Variants in NCALD observed in about 807,000 individuals in gnomAD.
NCALD encodes neurocalcin delta.
In NCALD, 10 loss-of-function variants were observed where a neutral mutation model predicts 18.6. The ratio of observed to expected loss-of-function variants is 0.54; its 90% CI spans 0.33 to 0.91. The LOEUF (loss-of-function observed/expected upper bound fraction) is 0.91. Among genes scored for constraint, NCALD ranks in the 40% least tolerant of loss-of-function variants. The pLI is 0.03. For synonymous variants in NCALD, 88 were observed against 87.4 expected, an observed-to-expected ratio of 1.01 and a Z score of -0.04; for missense variants, 184 against 247.6, an observed-to-expected ratio of 0.74 and a Z score of 1.72.
chr8:101,772,639 C>T (rs759447255), intron 1 of NCALD, among the ~76,000 whole-genome samples: 2 of 152,192 alleles, frequency 1.3e-5, no homozygotes, highest in East Asian at 3.8e-4. Flanking sequence ...TTTCTGTGTT[C>T]TTTGACCCAA....
chr8:101,971,863 C>T (rs6982001), intron 2 of NCALD, among the ~76,000 whole-genome samples: 56,242 of 151,962 alleles, frequency 0.37, 10,588 homozygotes, highest in South Asian at 0.45. Flanking sequence ...CCCCAGTTAT[C>T]CTCCCCTTTC....
chr8:102,037,767 C>T (rs1021906111), intron 1 of NCALD, among the ~76,000 whole-genome samples: 3 of 152,130 alleles, frequency 2.0e-5, no homozygotes, highest in African/African-American at 7.2e-5. Flanking sequence ...GGACCCAGTT[C>T]TTAGCATGCC....
chr8:101,783,071 G>C (rs551785379), intron 1 of NCALD, among the ~76,000 whole-genome samples: 7 of 152,308 alleles, frequency 4.6e-5, no homozygotes, highest in African/African-American at 1.4e-4. Flanking sequence ...TGTGTCTATG[G>C]TAAGCAAATG....
chr8:101,824,382 C>T (rs987978811), intron 4 of NCALD, among the ~76,000 whole-genome samples: 8 of 152,126 alleles, frequency 5.3e-5, no homozygotes, highest in African/African-American at 1.4e-4. Context: ...GAGAAAACCA[C>T]CATACTGGGG....
At chr8:101,848,007 G>A (rs575679290) in intron 4 of NCALD, among the ~76,000 whole-genome samples, 18 of 152,100 alleles carry the variant, frequency 1.2e-4, no homozygotes, top group Non-Finnish European at 2.4e-4. Flanking sequence ...AAAAGAGAAG[G>A]AACAAACCTT....
chr8:101,995,795 G>A (rs1821219099), intron 2 of NCALD, among the ~76,000 whole-genome samples: 1 of 152,138 alleles, frequency 6.6e-6, no homozygotes, highest in Non-Finnish European at 1.5e-5. Context: ...CAGACAAACT[G>A]ATCTACCTAT....
chr8:101,797,088 C>A (rs754078804), intron 4 of NCALD, among the ~76,000 whole-genome samples: 1 of 152,200 alleles, frequency 6.6e-6, no homozygotes, highest in Non-Finnish European at 1.5e-5. Context: ...TCATGTCTCC[C>A]TAAAATTTAT....
chr8:101,875,832 A>G (rs151312551), intron 4 of NCALD, among the ~76,000 whole-genome samples: 21 of 152,306 alleles, frequency 1.4e-4, no homozygotes, highest in Non-Finnish European at 2.2e-4. Flanking sequence ...GAACCTCCAC[A>G]TGTCCTGGAA....
chr8:101,879,924 A>G (rs1816409050), intron 4 of NCALD, among the ~76,000 whole-genome samples: 1 of 152,170 alleles, frequency 6.6e-6, no homozygotes, highest in Admixed American at 6.5e-5. Context: ...CCTCTGGTGG[A>G]TCACCCTGCT....
intron 2 of NCALD, among the ~76,000 whole-genome samples, chr8:101,702,594 T>C (rs1023802307): frequency 2.0e-5 from 3 of 152,202 alleles, no homozygotes; most frequent in African/African-American, 7.2e-5. Context: ...CTCTGCACAC[T>C]AGGGGAGCTT....
chr8:101,894,657 A>G (rs1326859349), intron 3 of NCALD, among the ~76,000 whole-genome samples: 2 of 150,412 alleles, frequency 1.3e-5, no homozygotes, highest in Non-Finnish European at 2.9e-5. Flanking sequence ...TCAAATAGAC[A>G]CAATAAAAAA....
At chr8:101,927,776 T>C (rs376658478) in intron 2 of NCALD, among the ~76,000 whole-genome samples, 1 of 152,146 alleles carries the variant, frequency 6.6e-6, no homozygotes, top group Non-Finnish European at 1.5e-5. Context: ...CAGCTCCGTG[T>C]GGCTTTGGTG....
chr8:101,988,124 C>T (rs1226966266), intron 2 of NCALD, among the ~76,000 whole-genome samples: 2 of 134,640 alleles, frequency 1.5e-5, no homozygotes, highest in African/African-American at 2.9e-5. Context: ...CACTGCGGTC[C>T]GGCCTGGGCG....
chr8:101,759,306 C>T (rs1353893503), intron 1 of NCALD, among the ~76,000 whole-genome samples: 3 of 151,946 alleles, frequency 2.0e-5, no homozygotes, highest in African/African-American at 4.8e-5. Context: ...TAAGCCTAGG[C>T]GACATGCCAG....
intron 2 of NCALD, among the ~76,000 whole-genome samples, chr8:102,018,283 G>A (rs566340678): frequency 3.0e-4 from 46 of 152,238 alleles, no homozygotes; most frequent in African/African-American, 1.0e-3. Context: ...TCCACACAAA[G>A]GCCTGTTCAT....
chr8:101,794,040 T>A (rs1812544508), upstream of NCALD, among the ~76,000 whole-genome samples: 2 of 152,204 alleles, frequency 1.3e-5, no homozygotes, highest in South Asian at 4.1e-4. Flanking sequence ...AATTTCATCT[T>A]TTTATGGCTG....
intron 3 of NCALD, among the ~76,000 whole-genome samples, chr8:101,890,354 C>G (rs1816827124): frequency 6.6e-6 from 1 of 152,182 alleles, no homozygotes; most frequent in Admixed American, 6.5e-5. Flanking sequence ...TTAACCTTCT[C>G]TTATGAAGTA....
intron 4 of NCALD, among the ~76,000 whole-genome samples, chr8:101,819,569 G>T (rs1253126090): frequency 6.6e-6 from 1 of 151,848 alleles, no homozygotes; most frequent in South Asian, 2.1e-4. Context: ...CTATATAAGC[G>T]CTACATTGCT....
intron 1 of NCALD, among the ~76,000 whole-genome samples, chr8:101,761,840 C>T (rs1373250434): frequency 1.3e-5 from 2 of 152,240 alleles, no homozygotes; most frequent in South Asian, 4.1e-4. Context: ...AAATGTACAA[C>T]TTCTGGGTCA....
Sources: gnomAD v4.1 joint callset for allele counts (sites outside exome capture counted in the v4.1 genomes callset) on GRCh38, gnomAD v4.1.1 for gene constraint, MANE v1.5 for transcripts, NCBI Gene and HGNC (gene_info 2026-07-23, HGNC 2026-07-21) for gene names.